Variants in CNTNAP5 observed in about 807,000 individuals in gnomAD.
CNTNAP5 encodes the protein contactin associated protein family member 5, also known as contactin-associated protein-like 5.
CNTNAP5 carries 72 observed loss-of-function variants against 150.2 expected under a neutral mutation model. That is an observed-to-expected ratio of 0.48 (90% CI 0.40 to 0.58). The LOEUF is 0.58. Among genes scored for constraint, CNTNAP5 ranks in the 20% least tolerant of loss-of-function variants. The pLI is 0.00. For synonymous variants in CNTNAP5, 672 were observed against 619.8 expected, an observed-to-expected ratio of 1.08 and a Z score of -1.25; for missense variants, 1,636 against 1,626.2, an observed-to-expected ratio of 1.01 and a Z score of -0.10.
chr2:124,119,630 G>A lies in CNTNAP5; in HGVS notation c.82+93898G>A, dbSNP rs563261708. 8.5e-5 allele frequency among the ~76,000 whole-genome samples: 13 copies of A among 152,224 alleles called. No individual in the cohort carries two copies. In the South Asian group the frequency reaches 1.2e-3, roughly 15 times the overall value. ...AATAATTTGAGATAGAATAGGGGCC[G>A]GGCATAGTGGCTCATGCCTGAGATC... On this transcript the variant is annotated intron_variant, in intron 1 of 23. Coordinates refer to ENST00000682447, the MANE Select transcript of CNTNAP5 (RefSeq NM_001367498.1).
At chr2:124,625,645 C>G (rs983101963) in intron 12 of CNTNAP5, among the ~76,000 whole-genome samples, 3 of 152,212 alleles carry the variant, frequency 2.0e-5, no homozygotes, top group African/African-American at 7.2e-5. Context: ...CTTCTAAGCA[C>G]TGAACACAGG....
intron 19 of CNTNAP5, among the ~76,000 whole-genome samples, chr2:124,827,497 G>A (rs1438318379): frequency 6.6e-6 from 1 of 152,142 alleles, no homozygotes; most frequent in East Asian, 1.9e-4. Flanking sequence ...CATAACCCAC[G>A]TGAACTGAGA....
At chr2:124,501,935 G>T (rs1463055579) in intron 7 of CNTNAP5, among the ~76,000 whole-genome samples, 1 of 152,144 alleles carries the variant, frequency 6.6e-6, no homozygotes, top group Non-Finnish European at 1.5e-5. Flanking sequence ...TAAAGACAAA[G>T]AAGTTTTAGA....
rs117279757 is a variant in CNTNAP5, at chr2:124,653,209, T to C, written c.2077+5251T>C. Among the ~76,000 whole-genome samples, 26 of 152,310 alleles carry C rather than the reference T, an allele frequency of 1.7e-4. No individual in the cohort carries two copies. The East Asian group carries it at 4.4e-3, about 26-fold the overall frequency. On this transcript the variant is annotated intron_variant, in intron 13 of 23. Coordinates refer to ENST00000682447, the MANE Select transcript of CNTNAP5 (RefSeq NM_001367498.1). ...TCTACCTGCAGTCAATTGCTTTACC[T>C]AGTCATGTTACAATGGAATTTAAAG... is the stretch of plus-strand genomic sequence containing the variant.
chr2:124,232,715 A>T (rs1407831249), intron 2 of CNTNAP5, among the ~76,000 whole-genome samples: 1 of 152,142 alleles, frequency 6.6e-6, no homozygotes, highest in Non-Finnish European at 1.5e-5. Context: ...AGCCAATGAA[A>T]ATGTTTCATT....
chr2:124,083,242 G>T (rs951462330), intron 1 of CNTNAP5, among the ~76,000 whole-genome samples: 12 of 152,200 alleles, frequency 7.9e-5, no homozygotes, highest in African/African-American at 2.9e-4. Flanking sequence ...CAGCTAGTCA[G>T]GAGGCTGAGG....
In CNTNAP5 at chr2:124,419,152, A is replaced by AAAAAAAAAAAC. The variant is rs1553466540; in HGVS notation, c.529+1572_529+1573insCAAAAAAAAAA. On this transcript the variant is annotated intron_variant, in intron 4 of 23. Coordinates refer to ENST00000682447, the MANE Select transcript of CNTNAP5 (RefSeq NM_001367498.1). The stretch of plus-strand genomic sequence containing the variant: ...CGAGACTCCTTCTCAAAAAAAAAAA[A>AAAAAAAAAAAC]AAAAAAAAAAACAGTATGAAGCTTT... 1.7e-3 allele frequency among the ~76,000 whole-genome samples: 204 copies of AAAAAAAAAAAC among 120,990 alleles called. 2 individuals are homozygous for AAAAAAAAAAAC. The highest frequency in any genetic ancestry group is 4.6e-3 in the Middle Eastern group (1 of 218). The allele number at this position is 120,990 out of a possible 152,430, so 79.4% of individuals were successfully genotyped here.
At chr2:124,434,870 T>C (rs536546693) in intron 5 of CNTNAP5, among the ~76,000 whole-genome samples, 183 bp downstream of exon 5, 3 of 152,338 alleles carry the variant, frequency 2.0e-5, no homozygotes, top group East Asian at 1.9e-4. Flanking sequence ...AATATTGACA[T>C]GTAGGGAGAG....
intron 11 of CNTNAP5, among the ~76,000 whole-genome samples, chr2:124,576,353 G>A (rs1483947166): frequency 6.6e-6 from 1 of 152,068 alleles, no homozygotes; most frequent in African/African-American, 2.4e-5. Flanking sequence ...GTTCCTGTCT[G>A]CTTGATTTTG....
At chr2:124,378,611 A>G (rs906871929) in intron 3 of CNTNAP5, among the ~76,000 whole-genome samples, 3 of 152,074 alleles carry the variant, frequency 2.0e-5, no homozygotes, top group Admixed American at 6.5e-5. Context: ...CTGTACAATT[A>G]TGTTGCTGTC....
chr2:124,044,753 A>G (rs1039481690), intron 1 of CNTNAP5, among the ~76,000 whole-genome samples: 19 of 152,050 alleles, frequency 1.2e-4, no homozygotes, highest in Non-Finnish European at 2.2e-4. Flanking sequence ...AACTGTCATG[A>G]TGGTGGATGC....
At chr2:124,548,019 C>A (rs946070362) in intron 10 of CNTNAP5, among the ~76,000 whole-genome samples, 2 of 152,172 alleles carry the variant, frequency 1.3e-5, no homozygotes, top group Non-Finnish European at 2.9e-5. Context: ...TTCACCATTT[C>A]CATCTGAGGT....
chr2:124,885,346 G>C (rs1573687579), intron 21 of CNTNAP5, among the ~76,000 whole-genome samples: 1 of 151,918 alleles, frequency 6.6e-6, no homozygotes, highest in Non-Finnish European at 1.5e-5. Flanking sequence ...AGCAGTACTT[G>C]GATGAGGGCT....
intron 19 of CNTNAP5, among the ~76,000 whole-genome samples, chr2:124,814,637 G>C (rs1265361671): frequency 6.6e-6 from 1 of 152,026 alleles, no homozygotes; most frequent in Non-Finnish European, 1.5e-5. Context: ...ATCTTCAAAA[G>C]AGTTCACTGG....
intron 1 of CNTNAP5, among the ~76,000 whole-genome samples, chr2:124,154,537 C>CA: frequency 6.6e-6 from 1 of 152,174 alleles, no homozygotes; most frequent in Middle Eastern, 3.4e-3. Context: ...AGCCAAGGAG[C>CA]AAAAATTATC....
At chr2:124,042,555 T>A (rs1681402877) in intron 1 of CNTNAP5, among the ~76,000 whole-genome samples, 1 of 152,180 alleles carries the variant, frequency 6.6e-6, no homozygotes, top group Admixed American at 6.5e-5. Context: ...GGGGTACGTA[T>A]CCTGGACTAG....
chr2:124,356,390 C>T (rs560073752), intron 3 of CNTNAP5, among the ~76,000 whole-genome samples: 2,129 of 149,970 alleles, frequency 0.014, 49 homozygotes, highest in African/African-American at 0.049. Context: ...ATGTGCCATG[C>T]TGGTGCGCTG....
intron 1 of CNTNAP5, among the ~76,000 whole-genome samples, chr2:124,156,532 G>T (rs1684552856): frequency 6.6e-6 from 1 of 152,160 alleles, no homozygotes; most frequent in South Asian, 2.1e-4. Context: ...GTCTCTCTCT[G>T]TTGCCCAGGC....
intron 21 of CNTNAP5, among the ~76,000 whole-genome samples, chr2:124,898,058 T>A (rs917723383): frequency 6.6e-6 from 1 of 151,188 alleles, no homozygotes. Context: ...GTCCTCCTTG[T>A]AGTTAAGTTT....
Sources: gnomAD v4.1 joint callset for allele counts (sites outside exome capture counted in the v4.1 genomes callset) on GRCh38, gnomAD v4.1.1 for gene constraint, MANE v1.5 for transcripts, NCBI Gene and HGNC (gene_info 2026-07-23, HGNC 2026-07-21) for gene names.